The following LPL variants were observed in gnomAD, a reference collection of about 807,000 sequenced individuals.
LPL encodes lipoprotein lipase, also known as phospholipase A1.
A neutral mutation model predicts 52.2 loss-of-function variants in LPL; 43 were observed. That is an observed-to-expected ratio of 0.82 (90% confidence interval 0.64 to 1.06). The LOEUF (loss-of-function observed/expected upper bound fraction) is 1.06. LPL is among the 50% of genes least tolerant of loss of function. LPL has a pLI of 0.00. For missense variants in LPL, 639 were observed against 585.3 expected, an observed-to-expected ratio of 1.09 and a Z score of -0.95; for synonymous variants, 244 against 215.6, an observed-to-expected ratio of 1.13 and a Z score of -1.15.
At chr8:19,947,410 C>T (rs1313162247) in intron 1 of LPL, among the ~76,000 whole-genome samples, 2 of 151,954 alleles carry the variant, frequency 1.3e-5, no homozygotes, top group Admixed American at 1.3e-4. Flanking sequence ...GAGGCTGAGG[C>T]GGGTGGATCA....
Position 19,959,286 on chromosome 8 carries a change from T to G in LPL, c.1045T>G (p.Phe349Val), listed in dbSNP as rs779149891. Residue 349 changes from phenylalanine to valine, a missense_variant, in exon 7 of 10, where the codon TTT becomes GTT. Phe to Val is a conservative substitution (Grantham distance 50). Transcript: ENST00000650287. ...KVFHYQVKIH[F>V]SGTESETHTN... ...CTTCCATTACCAAGTAAAGATTCAT[T>G]TTTCTGGGACTGAGAGTGAAACCCA... The G allele has an allele frequency of 1.2e-6, 2 of 1,614,126 alleles. No individual in the cohort carries two copies. Among genetic ancestry groups the G allele is most frequent in the South Asian group, 2.2e-5 (2 of 91,082 alleles).
chr8:19,939,269 C>T lies in LPL; in HGVS notation c.-172C>T, dbSNP rs2069807102. On this transcript the variant is annotated 5_prime_UTR_variant, in exon 1 of 10. Coordinates refer to ENST00000650287, the MANE Select transcript of LPL (RefSeq NM_000237.3). This position sits in a 1 kb window ranked among gnomAD's most constrained non-coding sequence, Gnocchi z 4.0. ...GAAAACAGTGTCAGACTCGATTCCC[C>T]CTCTTCCTCCTCCTCAAGGGAAAGC... 6.4e-6 allele frequency: 4 copies of T among 622,960 alleles called. No individual in the cohort carries two copies. The South Asian group carries it at 7.5e-5, about 12-fold the overall frequency. The allele number at this position is 622,960 out of a possible 1,614,324, so 38.6% of individuals were successfully genotyped here.
intron 8 of LPL, among the ~76,000 whole-genome samples, chr8:19,961,559 T>A (rs1379861144): frequency 6.6e-6 from 1 of 152,180 alleles, no homozygotes; most frequent in African/African-American, 2.4e-5. Flanking sequence ...GCTATAGGAT[T>A]TAAAGCTTTT....
intron 7 of LPL, among the ~76,000 whole-genome samples, chr8:19,960,113 A>G (rs1231227094): frequency 7.1e-6 from 1 of 140,434 alleles, no homozygotes; most frequent in African/African-American, 2.5e-5. Context: ...AATCAAAGAA[A>G]TAAAAGTAAG....
At position 19,948,301 on chromosome 8, in the gene LPL, T is replaced by C. The variant is rs1235061921; in HGVS notation, c.210T>C (p.Asn70=). Residue 70 remains asparagine (N), a synonymous_variant, in exon 2 of 10, where the codon AAT becomes AAC. Coordinates refer to ENST00000650287, the MANE Select transcript of LPL (RefSeq NM_000237.3). ...AGTCCGTGGCTACCTGTCATTTCAA[T>C]CACAGCAGCAAAACCTTCATGGTGA... The part of the protein sequence containing the change: ...VAESVATCHF[N]HSSKTFMVIH... 1 of 1,614,142 alleles carries C rather than the reference T, an allele frequency of 6.2e-7. No individual in the cohort carries two copies. Among genetic ancestry groups the C allele is most frequent in the South Asian group, 1.1e-5 (1 of 91,068 alleles).
intron 7 of LPL, among the ~76,000 whole-genome samples, chr8:19,960,259 T>A (rs1193562091): frequency 1.3e-5 from 2 of 152,240 alleles, no homozygotes; most frequent in Non-Finnish European, 2.9e-5. Flanking sequence ...GAAGGTAGTA[T>A]TTTAATAACT....
chr8:19,950,514 A>G lies in LPL; in HGVS notation c.250-1255A>G, dbSNP rs2069924258. 6.6e-6 allele frequency among the ~76,000 whole-genome samples: 1 copy of G among 152,158 alleles called. No individual in the cohort carries two copies. Among genetic ancestry groups the G allele is most frequent in the Non-Finnish European group, 1.5e-5 (1 of 68,008 alleles). On this transcript the variant is annotated intron_variant, in intron 2 of 9. Coordinates refer to ENST00000650287, the MANE Select transcript of LPL (RefSeq NM_000237.3). The surrounding 1 kb of genome is among the most constrained non-coding windows in gnomAD (Gnocchi z 4.2). ...TTTTTAGATTGCTTAACTTGGAAAC[A>G]CTGGGCTGGGAGCGGTGGCTCATGC...
chr8:19,960,403 A>C (rs1370679657), intron 7 of LPL, among the ~76,000 whole-genome samples: 2 of 152,252 alleles, frequency 1.3e-5, no homozygotes, highest in Non-Finnish European at 2.9e-5. Context: ...TTAGAAACCC[A>C]GTATCCAACA....
At position 19,967,115 on chromosome 8, in the gene LPL, C is replaced by T. The variant is rs200877770; in HGVS notation, c.*1805C>T. 6.6e-6 allele frequency: 1 copy of T among 152,474 alleles called. No homozygotes were observed. Among genetic ancestry groups the T allele is most frequent in the Non-Finnish European group, 1.5e-5 (1 of 68,026 alleles). 9.4% of individuals were successfully genotyped at this position (152,474 alleles called of 1,614,324 possible). On this transcript the variant is annotated 3_prime_UTR_variant, in exon 10 of 10. Coordinates refer to ENST00000650287, the MANE Select transcript of LPL (RefSeq NM_000237.3). ...TGCATTTATAAATGTGTGGTGCTAA[C>T]TGTATGTGTCTTTATCAGTGATGGT...
intron 3 of LPL, 130 bp from the exon 4 acceptor site, chr8:19,953,180 A>C (rs2128837957): frequency 1.5e-6 from 1 of 670,898 alleles, no homozygotes; most frequent in East Asian, 2.9e-5. Context: ...CTGTAACACA[A>C]AATTAAAATA....
At chr8:19,946,681 C>T (rs1344751750) in intron 1 of LPL, 1 of 167,438 alleles carries the variant, frequency 6.0e-6, no homozygotes, top group African/African-American at 2.4e-5. Context: ...CAAGTTATTA[C>T]CTTCTTACAG....
chr8:19,946,653 G>A (rs1027852901), intron 1 of LPL: 2 of 179,968 alleles, frequency 1.1e-5, no homozygotes, highest in Non-Finnish European at 1.2e-5. Flanking sequence ...AATTTCGAAC[G>A]GCAAAATCTA....
At chr8:19,957,288 T>C (rs2069994426) in intron 6 of LPL, among the ~76,000 whole-genome samples, 1 of 152,094 alleles carries the variant, frequency 6.6e-6, no homozygotes, top group Non-Finnish European at 1.5e-5. Context: ...GAAGGGTGGC[T>C]TTTGTGGAAT....
intron 1 of LPL, among the ~76,000 whole-genome samples, chr8:19,942,349 A>ATGAT (rs2069848309): frequency 6.6e-6 from 1 of 152,324 alleles, no homozygotes; most frequent in South Asian, 2.1e-4. Flanking sequence ...AGCCATCAAA[A>ATGAT]TGATGGTTGG....
rs375896929 is a variant in LPL at position 19,965,338 on chromosome 8, C to T, written c.*28C>T. 22 of 780,324 alleles carry T rather than the reference C, an allele frequency of 2.8e-5. No homozygotes were observed. Among genetic ancestry groups the T allele is most frequent in the African/African-American group, 1.5e-4 (9 of 59,098 alleles). 48.3% of individuals were successfully genotyped at this position (780,324 alleles called of 1,614,324 possible). A position where few individuals can be genotyped will look rare whatever the true frequency, so the allele number is the denominator to read the frequency against. ...CTGGGCGAATCTACAGAACAAAGAA[C>T]GGCATGTGAATTCTGTGAAGAATGA... is the stretch of plus-strand genomic sequence containing the variant. On this transcript the variant is annotated 3_prime_UTR_variant, in exon 10 of 10. Coordinates refer to ENST00000650287, the MANE Select transcript of LPL (RefSeq NM_000237.3).
At chr8:19,957,885 G>A (rs560459038) in intron 6 of LPL, among the ~76,000 whole-genome samples, 2 of 151,962 alleles carry the variant, frequency 1.3e-5, no homozygotes, top group Non-Finnish European at 2.9e-5. Context: ...AGAGATCTGT[G>A]TCTCAGCTTA....
rs2069865448 is a variant in LPL, at chr8:19,944,312, C to G, written c.89-3868C>G. 6.6e-6 allele frequency among the ~76,000 whole-genome samples: 1 copy of G among 152,146 alleles called. No homozygotes were observed. The highest frequency in any genetic ancestry group is 2.4e-5 in the African/African-American group (1 of 41,426). On this transcript the variant is annotated intron_variant, in intron 1 of 9. Transcript: ENST00000650287. This position sits in a 1 kb window ranked among gnomAD's most constrained non-coding sequence, Gnocchi z 4.2. ...GTCTGATCATGATATTGATGTTTTTCTTCACCAAATCGACCACATCAGTAA... is the reference window on the plus strand; with the variant it reads ...GTCTGATCATGATATTGATGTTTTTGTTCACCAAATCGACCACATCAGTAA...
At chr8:19,946,341 CGTGTGTGTGTAT>C (rs1485902800) in intron 1 of LPL, among the ~76,000 whole-genome samples, 3 of 151,736 alleles carry the variant, frequency 2.0e-5, no homozygotes, top group African/African-American at 4.8e-5. Flanking sequence ...TGTGTGTGCA[CGTGTGTGTGTAT>C]GTGTGTGTGA....
chr8:19,965,485 T>C lies in LPL; in HGVS notation c.*175T>C. 1.7e-6 allele frequency: 1 copy of C among 581,080 alleles called. No homozygotes were observed. The allele number at this position is 581,080 out of a possible 1,614,324, so 36.0% of individuals were successfully genotyped here. On this transcript the variant is annotated 3_prime_UTR_variant, in exon 10 of 10. Transcript: ENST00000650287. ...TATTTTAGGAGACAGTCTCAAGCAC[T>C]AAAAAGTGGCTAATTCAATTTATGG...
Sources: gnomAD v4.1 joint callset for allele counts (sites outside exome capture counted in the v4.1 genomes callset) on GRCh38, gnomAD v4.1.1 for gene constraint, Gnocchi (gnomAD v3.1) non-coding constraint, MANE v1.5 for transcripts, NCBI Gene and HGNC (gene_info 2026-07-23, HGNC 2026-07-21) for gene names.